The following DIAPH2 variants were observed in gnomAD, a reference collection of about 807,000 sequenced individuals.
DIAPH2 encodes the protein diaphanous related formin 2, also known as protein diaphanous homolog 2.
Under a neutral mutation model 92.7 loss-of-function variants are expected in DIAPH2, and 35 were observed. The ratio of observed to expected loss-of-function variants is 0.38; its 90% confidence interval spans 0.29 to 0.50. DIAPH2 has a LOEUF of 0.50. DIAPH2 is among the 20% of genes least tolerant of loss of function. DIAPH2 has a pLI of 0.94. For missense variants in DIAPH2, 701 were observed against 819.5 expected, an observed-to-expected ratio of 0.86 and a Z score of 1.77; for synonymous variants, 301 against 280.4, an observed-to-expected ratio of 1.07 and a Z score of -0.73.
At chrX:96,843,307 G>T (rs2064949401) in intron 4 of DIAPH2, among the ~76,000 whole-genome samples, 1 of 111,702 alleles carries the variant, frequency 9.0e-6, no homozygotes, top group East Asian at 2.8e-4. Context: ...TTCCAGTACA[G>T]CCCGCAGAAC....
At chrX:96,958,262 G>T in intron 16 of DIAPH2, 114 bp downstream of exon 16, 1 of 829,370 alleles carries the variant, frequency 1.2e-6, no homozygotes, top group Non-Finnish European at 1.6e-6. Flanking sequence ...GTTCCTTTGT[G>T]GGTTCATCAT....
chrX:97,069,925 G>A (rs1179611812), intron 17 of DIAPH2, among the ~76,000 whole-genome samples: 3 of 111,484 alleles, frequency 2.7e-5, no homozygotes, highest in South Asian at 3.7e-4. Context: ...ATGCTGATGA[G>A]CATTTCTCAG....
intron 4 of DIAPH2, among the ~76,000 whole-genome samples, chrX:96,872,567 C>T (rs778056847): frequency 9.6e-6 from 1 of 104,455 alleles, no homozygotes; most frequent in Admixed American, 1.0e-4. Context: ...TCTCGGCTCA[C>T]TGCAACCTCC....
chrX:96,720,084 A>G (rs959670976), intron 1 of DIAPH2, among the ~76,000 whole-genome samples: 5 of 111,525 alleles, frequency 4.5e-5, no homozygotes, highest in African/African-American at 1.6e-4. Flanking sequence ...TCTTAACCTC[A>G]ATCTGACAGT....
rs1187450107 is a variant in DIAPH2, at chrX:97,358,121, T to G, written c.3009+9841T>G. Among the ~76,000 whole-genome samples the G allele has an allele frequency of 2.7e-5, 3 of 112,184 alleles. No homozygotes were observed. In the East Asian group the frequency reaches 8.4e-4, roughly 31 times the overall value. ...GATCTAAAGGTTATCTGCCATATGC[T>G]TAGATGAGCAGTAACCAAGCTTCAG... On this transcript the variant is annotated intron_variant, in intron 24 of 26. Coordinates refer to ENST00000324765, the MANE Select transcript of DIAPH2 (RefSeq NM_006729.5).
chrX:97,326,458 A>T (rs1215641206), intron 23 of DIAPH2, among the ~76,000 whole-genome samples: 1 of 111,845 alleles, frequency 8.9e-6, no homozygotes, highest in Admixed American at 9.6e-5. Context: ...AGAAATAACC[A>T]CCTACCCACC....
chrX:97,080,998 T>C (rs968395453), intron 19 of DIAPH2, among the ~76,000 whole-genome samples: 2 of 112,165 alleles, frequency 1.8e-5, no homozygotes, highest in African/African-American at 6.5e-5. Context: ...TACAAGTATG[T>C]CAATTAAGGC....
At chrX:97,460,944 T>C (rs144042618) in intron 26 of DIAPH2, among the ~76,000 whole-genome samples, 17 of 112,476 alleles carry the variant, frequency 1.5e-4, no homozygotes, top group African/African-American at 5.5e-4. Flanking sequence ...CGCTTGACCT[T>C]TGGATCTCAG....
chrX:96,686,425 A>G lies in DIAPH2; in HGVS notation c.132+1235A>G, dbSNP rs137871391. Among the ~76,000 whole-genome samples, 795 of 111,555 alleles carry G rather than the reference A, an allele frequency of 7.1e-3. 4 individuals carry two copies. The highest frequency in any genetic ancestry group is 0.012 in the Non-Finnish European group (617 of 53,114). On this transcript the variant is annotated intron_variant, in intron 1 of 26. Transcript: ENST00000324765. ...AAAACACTTATCTCTGTTAGTAGTA[A>G]CACCTTGATTATATTCTTCTCTTCC...
chrX:97,161,533 TG>T (rs1431262780), intron 22 of DIAPH2, among the ~76,000 whole-genome samples: 1 of 110,932 alleles, frequency 9.0e-6, no homozygotes, highest in East Asian at 2.8e-4. Flanking sequence ...CCCAAGTAGC[TG>T]GACCCACAGG....
chrX:97,463,701 A>G (rs1472670642), intron 26 of DIAPH2, among the ~76,000 whole-genome samples: 1 of 111,466 alleles, frequency 9.0e-6, no homozygotes, highest in Non-Finnish European at 1.9e-5. Context: ...ATATAATAAC[A>G]AATTTAATCC....
At chrX:97,534,438 T>C (rs931734063) in intron 26 of DIAPH2, among the ~76,000 whole-genome samples, 2 of 110,351 alleles carry the variant, frequency 1.8e-5, no homozygotes, top group African/African-American at 6.5e-5. Context: ...AGTTATCACA[T>C]TGAAAAAGAT....
chrX:96,863,957 G>A lies in DIAPH2; in HGVS notation c.448-17622G>A, dbSNP rs147059707. Among the ~76,000 whole-genome samples, 793 of 110,823 alleles carry A rather than the reference G, an allele frequency of 7.2e-3. 6 individuals are homozygous for A. The highest frequency in any genetic ancestry group is 0.025 in the African/African-American group (768 of 30,447). ...GCGCACCTATTGTTTTAGCTACTCC[G>A]GATGGGGAGGTGGGAGGATCGCTTG... On this transcript the variant is annotated intron_variant, in intron 4 of 26. Transcript: ENST00000324765.
chrX:96,935,912 G>A (rs749132906), intron 10 of DIAPH2, among the ~76,000 whole-genome samples: 15 of 111,710 alleles, frequency 1.3e-4, no homozygotes, highest in East Asian at 1.1e-3. Flanking sequence ...TGTAAAATGC[G>A]TGACAGGTTG....
intron 23 of DIAPH2, among the ~76,000 whole-genome samples, chrX:97,329,188 G>A (rs747130752): frequency 8.9e-6 from 1 of 112,376 alleles, no homozygotes; most frequent in African/African-American, 3.2e-5. Context: ...GCCATCTGCT[G>A]TTCAGTTAAT....
At chrX:97,129,622 G>T (rs1003575133) in intron 21 of DIAPH2, among the ~76,000 whole-genome samples, 1 of 111,425 alleles carries the variant, frequency 9.0e-6, no homozygotes, top group Non-Finnish European at 1.9e-5. Flanking sequence ...AGAATAAGGG[G>T]CAAAGAGAAC....
At chrX:97,077,659 G>T (rs149290408) in intron 19 of DIAPH2, among the ~76,000 whole-genome samples, 1 of 111,670 alleles carries the variant, frequency 9.0e-6, no homozygotes, top group East Asian at 2.8e-4. Flanking sequence ...TAGTTAGTTG[G>T]CAGGATAATT....
At chrX:97,185,899 C>G (rs1334330689) in intron 22 of DIAPH2, among the ~76,000 whole-genome samples, 2 of 110,239 alleles carry the variant, frequency 1.8e-5, no homozygotes, top group Non-Finnish European at 3.8e-5. Context: ...AGTATAGGTT[C>G]CCATCCTAAA....
intron 4 of DIAPH2, among the ~76,000 whole-genome samples, chrX:96,864,554 G>A (rs2147728082): frequency 8.9e-6 from 1 of 111,917 alleles, no homozygotes; most frequent in South Asian, 3.8e-4. Flanking sequence ...TTGTTCTGAA[G>A]GCAGTGGGTA....
Sources: gnomAD v4.1 joint callset for allele counts (sites outside exome capture counted in the v4.1 genomes callset) on GRCh38, gnomAD v4.1.1 for gene constraint, MANE v1.5 for transcripts, NCBI Gene and HGNC (gene_info 2026-07-23, HGNC 2026-07-21) for gene names.